MBP: variants seen among roughly 807,000 people sequenced by gnomAD.
MBP encodes the protein Golli-MBP.
MBP carries 16 observed loss-of-function variants against 35.8 expected under a neutral mutation model. That is an observed-to-expected ratio of 0.45 (90% CI 0.30 to 0.68). MBP has a LOEUF of 0.68. MBP is among the 30% of genes least tolerant of loss of function. MBP has a pLI of 0.08. For missense variants in MBP, 380 were observed against 404.7 expected (o/e 0.94, Z 0.52); for synonymous variants, 143 against 159.6 (o/e 0.90, Z 0.78).
At chr18:77,114,783 AG>A (rs1466659115) in intron 1 of MBP, 1 of 152,304 alleles carries the variant, frequency 6.6e-6, no homozygotes, top group Non-Finnish European at 1.5e-5. Context: ...AGCATAGGTC[AG>A]GTCCTGCTGA....
At chr18:77,122,922 C>T (rs8088587) in intron 1 of MBP, among the ~76,000 whole-genome samples, 6,157 of 152,322 alleles carry the variant, frequency 0.04, 308 homozygotes, top group African/African-American at 0.1. Context: ...CCGAGCACAA[C>T]CCCCTTCTTT....
rs1489615619 is a variant in MBP, at chr18:77,131,912, G to T, written c.-26+668C>A. On this transcript the variant is annotated intron_variant, in intron 1 of 8. Coordinates refer to ENST00000355994, the MANE Select transcript of MBP (RefSeq NM_001025101.2). The surrounding 1 kb of genome is among the most constrained non-coding windows in gnomAD (Gnocchi z 5.5). ...CGACGGGCCCGGCCGAAGAGCCCGA[G>T]ACAGGCCCTGCGAAGGCGGAAGCCC... is the stretch of plus-strand genomic sequence containing the variant. Among the ~76,000 whole-genome samples, 1 of 152,098 alleles carries T rather than the reference G, an allele frequency of 6.6e-6. No individual in the cohort carries two copies. The highest frequency in any genetic ancestry group is 2.4e-5 in the African/African-American group (1 of 41,442).
chr18:77,092,905 G>C (rs1364057306), intron 2 of MBP, among the ~76,000 whole-genome samples: 1 of 152,146 alleles, frequency 6.6e-6, no homozygotes, highest in Non-Finnish European at 1.5e-5. Context: ...CCGGCCCCGC[G>C]TGCGTATTTC....
intron 4 of MBP, among the ~76,000 whole-genome samples, chr18:76,995,579 C>T (rs1970224274): frequency 6.6e-6 from 1 of 151,960 alleles, no homozygotes; most frequent in Admixed American, 6.6e-5. Context: ...ATGGAAAACA[C>T]TGTCTTCTCA....
intron 2 of MBP, among the ~76,000 whole-genome samples, chr18:77,073,741 C>A (rs1054297582): frequency 2.0e-5 from 3 of 152,188 alleles, no homozygotes; most frequent in African/African-American, 7.2e-5. Context: ...ACATGCAGAC[C>A]TGTGGAAGGT....
chr18:77,102,724 C>T lies in MBP; in HGVS notation c.51+2487G>A, dbSNP rs1415686275. Among the ~76,000 whole-genome samples, 1 of 152,146 alleles carries T rather than the reference C, an allele frequency of 6.6e-6. No individual in the cohort carries two copies. Among genetic ancestry groups the T allele is most frequent in the East Asian group, 1.9e-4 (1 of 5,206 alleles). ...AAACAACAGGAAAGAAACTGTACAC[C>T]ACAGAGAGGTTTCTTGAAACTGGAG... On this transcript the variant is annotated intron_variant, in intron 2 of 8. Coordinates refer to ENST00000355994, the MANE Select transcript of MBP (RefSeq NM_001025101.2). The surrounding 1 kb of genome is among the most constrained non-coding windows in gnomAD (Gnocchi z 4.4).
At chr18:77,035,606 C>A (rs1255032546) in intron 3 of MBP, among the ~76,000 whole-genome samples, 1 of 152,184 alleles carries the variant, frequency 6.6e-6, no homozygotes, top group Non-Finnish European at 1.5e-5. Context: ...CAACACAGCC[C>A]CTGCAGACGA....
chr18:76,988,855 T>C lies in MBP; in HGVS notation c.717+22A>G. The stretch of plus-strand genomic sequence containing the variant: ...GGTCTATCAGAAAAGTGATGATCAA[T>C]CAAAACATTCCAAGGTCTTACCTTT... On this transcript the variant is annotated intron_variant, in intron 6 of 8. Coordinates refer to ENST00000355994, the MANE Select transcript of MBP (RefSeq NM_001025101.2). The surrounding 1 kb of genome is among the most constrained non-coding windows in gnomAD (Gnocchi z 5.2). 2 of 1,608,460 alleles carry C rather than the reference T, an allele frequency of 1.2e-6. No individual in the cohort carries two copies. Among genetic ancestry groups the C allele is most frequent in the Non-Finnish European group, 8.5e-7 (1 of 1,176,546 alleles).
chr18:77,021,128 G>A (rs1299673481), intron 3 of MBP, among the ~76,000 whole-genome samples: 1 of 152,196 alleles, frequency 6.6e-6, no homozygotes, highest in Non-Finnish European at 1.5e-5. Context: ...CAGCTCTGAA[G>A]ATGAAGCCGT....
chr18:77,063,924 A>G (rs200681124), intron 3 of MBP, among the ~76,000 whole-genome samples: 54 of 141,036 alleles, frequency 3.8e-4, no homozygotes, highest in African/African-American at 1.0e-3. Context: ...GTGTGTGTGT[A>G]TGTGTGTATT....
chr18:77,099,743 TC>T (rs1975921834), intron 2 of MBP, among the ~76,000 whole-genome samples: 1 of 152,178 alleles, frequency 6.6e-6, no homozygotes, highest in Non-Finnish European at 1.5e-5. Context: ...AAGCCATGAC[TC>T]AGCACGTGGG....
At chr18:76,986,443 C>T (rs1246604314) in intron 7 of MBP, 5 of 985,430 alleles carry the variant, frequency 5.1e-6, no homozygotes, top group Non-Finnish European at 6.0e-6. Context: ...GCTGCACCCT[C>T]AGCCTCTGCT....
intron 4 of MBP, among the ~76,000 whole-genome samples, chr18:76,991,225 G>A (rs71360985): frequency 8.5e-5 from 13 of 152,170 alleles, no homozygotes; most frequent in Non-Finnish European, 1.5e-4. Context: ...AAGAGGAAGC[G>A]GAGAGGGAAG....
intron 7 of MBP, chr18:76,987,909 C>G: frequency 1.8e-6 from 2 of 1,106,794 alleles, no homozygotes; most frequent in Non-Finnish European, 2.2e-6. Flanking sequence ...TCAGTATTAA[C>G]CAGCCTAAAA....
chr18:77,022,126 C>T (rs1451721348), intron 3 of MBP, among the ~76,000 whole-genome samples: 1 of 152,192 alleles, frequency 6.6e-6, no homozygotes, highest in Admixed American at 6.5e-5. Context: ...TGAGAAACTG[C>T]CCTGTAAGTG....
At chr18:77,121,076 A>T (rs1343821404) in intron 1 of MBP, among the ~76,000 whole-genome samples, 1 of 152,160 alleles carries the variant, frequency 6.6e-6, no homozygotes, top group Non-Finnish European at 1.5e-5. Context: ...AAGTGGGAGG[A>T]TCCCTTGAAC....
intron 4 of MBP, chr18:77,016,241 A>T: frequency 2.0e-6 from 2 of 985,338 alleles, no homozygotes; most frequent in Non-Finnish European, 2.4e-6. Flanking sequence ...ATGGAATCAC[A>T]AGATAATAAA....
In MBP at chr18:77,018,898, A is replaced by G. The variant is rs1029711359; in HGVS notation, c.140-1630T>C. 2.7e-5 allele frequency among the ~76,000 whole-genome samples: 4 copies of G among 148,684 alleles called. No homozygotes were observed. In the East Asian group the frequency reaches 8.0e-4, roughly 30 times the overall value. ...CATCCATCCATCCATCCATCCATCC[A>G]TCCATCCATCCATCCACTCATGTAT... On this transcript the variant is annotated intron_variant, in intron 3 of 8. Coordinates refer to ENST00000355994, the MANE Select transcript of MBP (RefSeq NM_001025101.2).
At chr18:77,089,271 C>G (rs746520045) in intron 2 of MBP, among the ~76,000 whole-genome samples, 1 of 152,228 alleles carries the variant, frequency 6.6e-6, no homozygotes, top group Non-Finnish European at 1.5e-5. Flanking sequence ...GTGACTCACA[C>G]CTCACCTGGC....
Sources: allele counts gnomAD v4.1 joint callset (sites outside exome capture counted in the v4.1 genomes callset), GRCh38; gene constraint gnomAD v4.1.1; non-coding constraint Gnocchi (gnomAD v3.1); transcripts MANE v1.5; gene names NCBI Gene and HGNC (gene_info 2026-07-23, HGNC 2026-07-21).